Variants in CNTNAP2 observed in about 807,000 individuals in gnomAD.
CNTNAP2 encodes the protein contactin-associated protein-like 2.
Under a neutral mutation model 155.2 loss-of-function variants are expected in CNTNAP2, and 98 were observed. The observed-to-expected ratio is 0.63, with a 90% CI of 0.54 to 0.75. The LOEUF is 0.75. Ranked by LOEUF, CNTNAP2 falls within the 30% of genes least tolerant of loss-of-function variation. The pLI is 0.00. For missense variants in CNTNAP2, 1,727 were observed against 1,688.1 expected (o/e 1.02, Z -0.40); for synonymous variants, 651 against 631.2 (o/e 1.03, Z -0.47).
chr7:146,651,913 G>A (rs1299880571), intron 1 of CNTNAP2, among the ~76,000 whole-genome samples: 7 of 152,152 alleles, frequency 4.6e-5, no homozygotes, highest in African/African-American at 1.4e-4. Context: ...CTCAGACCAC[G>A]TGCACACAAT....
At chr7:146,479,039 A>T (rs1261910465) in intron 1 of CNTNAP2, among the ~76,000 whole-genome samples, 1 of 152,190 alleles carries the variant, frequency 6.6e-6, no homozygotes, top group Non-Finnish European at 1.5e-5. Context: ...ACGTTGATAC[A>T]ATAAAAGAAC....
chr7:146,774,552 A>G (rs1262556308), intron 2 of CNTNAP2, among the ~76,000 whole-genome samples, 171 bp downstream of exon 2: 2 of 152,182 alleles, frequency 1.3e-5, no homozygotes, highest in Admixed American at 1.3e-4. Context: ...TGTAATCTCC[A>G]CATTGAAATA....
intron 3 of CNTNAP2, among the ~76,000 whole-genome samples, chr7:146,856,314 A>G (rs28608984): frequency 6.7e-6 from 1 of 148,378 alleles, no homozygotes; most frequent in Non-Finnish European, 1.5e-5. Context: ...ACATACATAC[A>G]TACATACATA....
chr7:146,434,468 C>T (rs1796214385), intron 1 of CNTNAP2, among the ~76,000 whole-genome samples: 1 of 152,136 alleles, frequency 6.6e-6, no homozygotes, highest in South Asian at 2.1e-4. Flanking sequence ...TATGCTTACC[C>T]TTTACTTACT....
At chr7:147,077,531 TTC>T in intron 4 of CNTNAP2, among the ~76,000 whole-genome samples, 1 of 152,326 alleles carries the variant, frequency 6.6e-6, no homozygotes, top group African/African-American at 2.4e-5. Flanking sequence ...GTAAAATATT[TTC>T]TGACTGTTTC....
intron 9 of CNTNAP2, among the ~76,000 whole-genome samples, chr7:147,310,048 T>G (rs1035560303): frequency 2.0e-5 from 3 of 152,136 alleles, no homozygotes; most frequent in African/African-American, 7.2e-5. Flanking sequence ...CATATTAACC[T>G]CATCAGAAAC....
chr7:147,709,741 G>A lies in CNTNAP2; in HGVS notation c.2098+70435G>A, dbSNP rs1055527328. ...GTACTGAGAACTCTTTCTACTTGAT[G>A]TCTGATTGCCATCTCCAACAGATTA... On this transcript the variant is annotated intron_variant, in intron 13 of 23. Transcript: ENST00000361727. Among the ~76,000 whole-genome samples, 4 of 152,258 alleles carry A rather than the reference G, an allele frequency of 2.6e-5. No homozygotes were observed. In the East Asian group the frequency reaches 7.7e-4, roughly 29 times the overall value.
At chr7:147,512,947 A>C (rs1799047576) in intron 11 of CNTNAP2, among the ~76,000 whole-genome samples, 1 of 152,174 alleles carries the variant, frequency 6.6e-6, no homozygotes, top group African/African-American at 2.4e-5. Flanking sequence ...TTGACAGAGA[A>C]AACATAAGAA....
At chr7:146,627,699 C>A (rs1460665998) in intron 1 of CNTNAP2, among the ~76,000 whole-genome samples, 1 of 152,060 alleles carries the variant, frequency 6.6e-6, no homozygotes, top group Non-Finnish European at 1.5e-5. Context: ...TTATCAATTT[C>A]TCAGATCAAA....
At chr7:147,037,524 C>T (rs1761684164) in intron 3 of CNTNAP2, among the ~76,000 whole-genome samples, 1 of 138,606 alleles carries the variant, frequency 7.2e-6, no homozygotes, top group Admixed American at 8.0e-5. Flanking sequence ...TGCAGTGGTG[C>T]GATCTTGGCT....
At chr7:146,452,194 A>G (rs908866021) in intron 1 of CNTNAP2, among the ~76,000 whole-genome samples, 1 of 152,070 alleles carries the variant, frequency 6.6e-6, no homozygotes, top group African/African-American at 2.4e-5. Flanking sequence ...GGAGTGAGCC[A>G]CTGCGCCCGG....
At position 147,977,745 on chromosome 7, in the gene CNTNAP2, A is replaced by G; in HGVS notation, c.2256-117A>G. 4 of 1,415,988 alleles carry G rather than the reference A, an allele frequency of 2.8e-6. No homozygotes were observed. The South Asian group carries it at 4.7e-5, about 17-fold the overall frequency. 87.7% of individuals were successfully genotyped at this position (1,415,988 alleles called of 1,614,324 possible). A position where few individuals can be genotyped will look rare whatever the true frequency, so the allele number is the denominator to read the frequency against. ...CAACTCTTTAACTGTGGCTTTACTT[A>G]GTAAACTTCCAAACGATTACTGAAA... On this transcript the variant is annotated intron_variant, in intron 14 of 23. Coordinates refer to ENST00000361727, the MANE Select transcript of CNTNAP2 (RefSeq NM_014141.6).
chr7:148,068,294 C>T (rs944801328), intron 15 of CNTNAP2, among the ~76,000 whole-genome samples: 2 of 152,204 alleles, frequency 1.3e-5, no homozygotes, highest in Admixed American at 6.5e-5. Context: ...CCCCAAGAAC[C>T]TCTATGAGGT....
At chr7:147,570,076 A>C (rs972571610) in intron 12 of CNTNAP2, among the ~76,000 whole-genome samples, 3 of 152,184 alleles carry the variant, frequency 2.0e-5, no homozygotes, top group Admixed American at 6.5e-5. Flanking sequence ...CTCGCTTTCC[A>C]GCGCTGACCT....
chr7:146,132,874 C>G (rs1367623413), intron 1 of CNTNAP2, among the ~76,000 whole-genome samples: 3 of 149,110 alleles, frequency 2.0e-5, no homozygotes, highest in Non-Finnish European at 3.0e-5. Context: ...AATAAACATA[C>G]ATGTGCATGT....
intron 15 of CNTNAP2, among the ~76,000 whole-genome samples, chr7:148,093,241 T>C (rs989118825): frequency 6.6e-6 from 1 of 151,500 alleles, no homozygotes; most frequent in African/African-American, 2.4e-5. Flanking sequence ...AAAATAATAA[T>C]AAATAGAGCC....
chr7:148,112,871 A>T (rs984889766), intron 15 of CNTNAP2, among the ~76,000 whole-genome samples: 4 of 151,824 alleles, frequency 2.6e-5, no homozygotes, highest in African/African-American at 9.7e-5. Flanking sequence ...TTTTTTTTAA[A>T]AAAAAATACA....
At chr7:147,223,877 C>T (rs1286513054) in intron 8 of CNTNAP2, among the ~76,000 whole-genome samples, 1 of 147,908 alleles carries the variant, frequency 6.8e-6, no homozygotes, top group South Asian at 2.1e-4. Flanking sequence ...GAAGGCAAAG[C>T]TTGCAGTGAG....
At chr7:147,794,188 T>C (rs1177149036) in intron 13 of CNTNAP2, among the ~76,000 whole-genome samples, 1 of 151,998 alleles carries the variant, frequency 6.6e-6, no homozygotes, top group African/African-American at 2.4e-5. Flanking sequence ...TCCTATAAAA[T>C]TTTAAATTGA....
Sources: gnomAD v4.1 joint callset for allele counts (sites outside exome capture counted in the v4.1 genomes callset) on GRCh38, gnomAD v4.1.1 for gene constraint, MANE v1.5 for transcripts, NCBI Gene and HGNC (gene_info 2026-07-23, HGNC 2026-07-21) for gene names.